The following NPSR1 variants were observed in gnomAD, a reference collection of about 807,000 sequenced individuals.
NPSR1 encodes the protein neuropeptide S receptor 1.
A neutral mutation model predicts 46.9 loss-of-function variants in NPSR1; 48 were observed. The ratio of observed to expected loss-of-function variants is 1.02; its 90% CI spans 0.81 to 1.30. The LOEUF (loss-of-function observed/expected upper bound fraction) is 1.30, where lower values mean the gene tolerates loss of function less well. Among genes scored for constraint, NPSR1 ranks in the 50% most tolerant of loss-of-function variants. NPSR1 has a pLI of 0.00. For missense variants in NPSR1, 450 were observed against 449.5 expected, an observed-to-expected ratio of 1.00 and a Z score of -0.01; for synonymous variants, 176 against 168.1, an observed-to-expected ratio of 1.05 and a Z score of -0.36.
chr7:34,824,613 G>A (rs867994670), intron 4 of NPSR1, among the ~76,000 whole-genome samples: 7 of 152,184 alleles, frequency 4.6e-5, no homozygotes, highest in South Asian at 2.1e-4. Context: ...AAACATCTTC[G>A]GAGACCTTGG....
At chr7:34,742,166 C>A (rs954694000) in intron 2 of NPSR1, among the ~76,000 whole-genome samples, 1 of 143,208 alleles carries the variant, frequency 7.0e-6, no homozygotes, top group African/African-American at 2.5e-5. Context: ...CTCTCAATCT[C>A]TCTCCTTTTT....
chr7:34,690,722 A>T (rs926993314), intron 2 of NPSR1, among the ~76,000 whole-genome samples: 1 of 152,212 alleles, frequency 6.6e-6, no homozygotes, highest in Non-Finnish European at 1.5e-5. Context: ...CCTTTGATAA[A>T]TACGGGATTA....
chr7:34,697,822 A>C (rs1229189427), intron 2 of NPSR1, among the ~76,000 whole-genome samples: 1 of 152,066 alleles, frequency 6.6e-6, no homozygotes, highest in Non-Finnish European at 1.5e-5. Flanking sequence ...AAATATTAGA[A>C]TTATTAGAAC....
chr7:34,780,667 A>C (rs1787191051), intron 3 of NPSR1, among the ~76,000 whole-genome samples: 1 of 152,190 alleles, frequency 6.6e-6, no homozygotes, highest in African/African-American at 2.4e-5. Flanking sequence ...CAACTCTGTA[A>C]CAGCCTTAAA....
At chr7:34,710,424 T>C (rs1783218039) in intron 2 of NPSR1, among the ~76,000 whole-genome samples, 1 of 152,230 alleles carries the variant, frequency 6.6e-6, no homozygotes, top group South Asian at 2.1e-4. Context: ...TTGTACTTCC[T>C]ATATTCCTGT....
chr7:34,811,842 C>A lies in NPSR1; in HGVS notation c.457C>A (p.Pro153Thr), dbSNP rs767254511. ...AGACAGATACCATGCCATCGTCTAC[C>A]CCATGAAGTTCCTTCAAGGAGGTGA... ...SIDRYHAIVY[P>T]MKFLQGEKQA... is the part of the protein sequence containing the mutation. The change falls in exon 4 of 9, where the codon CCC becomes ACC. Residue 153 changes from proline to threonine, a missense_variant. Coordinates refer to ENST00000360581, the MANE Select transcript of NPSR1 (RefSeq NM_207172.2). The A allele has an allele frequency of 6.2e-7, 1 of 1,613,414 alleles. No homozygotes were observed. Among genetic ancestry groups the A allele is most frequent in the Non-Finnish European group, 8.5e-7 (1 of 1,179,620 alleles).
chr7:34,719,212 G>A (rs1196047687), intron 2 of NPSR1: 1 of 152,378 alleles, frequency 6.6e-6, no homozygotes, highest in Non-Finnish European at 1.5e-5. Context: ...ATAGAATGTG[G>A]AAAAATAGAA....
rs141491583 is a variant in NPSR1 at position 34,723,129 on chromosome 7, A to G, written c.280+38445A>G. 1.2e-3 allele frequency among the ~76,000 whole-genome samples: 186 copies of G among 152,300 alleles called. 1 individual carries two copies. The highest frequency in any genetic ancestry group is 5.4e-3 in the East Asian group (28 of 5,178). ...TCCTGGCTGCAGCAATCCCAAGATA[A>G]TGCTGCTCAGTTCTAGGCTGCTTGG... is the stretch of plus-strand genomic sequence containing the variant. On this transcript the variant is annotated intron_variant, in intron 2 of 8. Transcript: ENST00000360581.
At chr7:34,687,908 C>T (rs1213737966) in intron 2 of NPSR1, among the ~76,000 whole-genome samples, 1 of 152,162 alleles carries the variant, frequency 6.6e-6, no homozygotes. Context: ...TTATTTGACA[C>T]CACTATCCCC....
intron 8 of NPSR1, among the ~76,000 whole-genome samples, chr7:34,876,979 C>G (rs976609965): frequency 6.6e-6 from 1 of 152,134 alleles, no homozygotes; most frequent in Non-Finnish European, 1.5e-5. Flanking sequence ...CATGGCAGAG[C>G]CTGAGTCCCC....
intron 4 of NPSR1, among the ~76,000 whole-genome samples, chr7:34,822,630 T>G (rs1448727566): frequency 6.6e-6 from 1 of 152,164 alleles, no homozygotes; most frequent in East Asian, 1.9e-4. Context: ...GAATAACACA[T>G]ATAAATCATA....
At chr7:34,760,002 C>A (rs1244644639) in intron 2 of NPSR1, among the ~76,000 whole-genome samples, 1 of 152,182 alleles carries the variant, frequency 6.6e-6, no homozygotes, top group South Asian at 2.1e-4. Flanking sequence ...TTCACCTTAT[C>A]CGCCATCAGT....
chr7:34,844,860 A>G (rs764821689), intron 6 of NPSR1, 36 bp from the exon 7 acceptor site: 2 of 1,268,398 alleles, frequency 1.6e-6, no homozygotes, highest in Admixed American at 3.4e-5. Context: ...CACATCTTGA[A>G]CACTTCATCT....
chr7:34,689,311 A>G (rs922360283), intron 2 of NPSR1, among the ~76,000 whole-genome samples: 1 of 152,180 alleles, frequency 6.6e-6, no homozygotes, highest in African/African-American at 2.4e-5. Flanking sequence ...GCACAATACA[A>G]TAAGAAATCT....
intron 2 of NPSR1, among the ~76,000 whole-genome samples, chr7:34,766,017 T>C (rs1006062654): frequency 2.6e-5 from 4 of 152,060 alleles, no homozygotes; most frequent in African/African-American, 9.7e-5. Context: ...AGCCTGCACA[T>C]GTACCCCCTG....
chr7:34,762,478 TAAAC>T (rs1202346230), intron 2 of NPSR1, among the ~76,000 whole-genome samples: 3 of 152,222 alleles, frequency 2.0e-5, no homozygotes, highest in African/African-American at 7.2e-5. Context: ...GTTTTATCAT[TAAAC>T]AAAGTTTCAC....
At chr7:34,839,805 A>AAG (rs1298426538) in intron 6 of NPSR1, among the ~76,000 whole-genome samples, 1 of 151,958 alleles carries the variant, frequency 6.6e-6, no homozygotes, top group East Asian at 1.9e-4. Context: ...GGGGCAGGGG[A>AAG]AGAGAGAGAG....
intron 8 of NPSR1, among the ~76,000 whole-genome samples, chr7:34,857,452 T>C (rs181482781): frequency 3.8e-4 from 58 of 151,890 alleles, no homozygotes; most frequent in Non-Finnish European, 7.4e-4. Context: ...CAGGGAAAGA[T>C]GCCCACATAT....
intron 2 of NPSR1, among the ~76,000 whole-genome samples, chr7:34,744,050 TG>T (rs1785086781): frequency 6.6e-6 from 1 of 152,216 alleles, no homozygotes; most frequent in South Asian, 2.1e-4. Flanking sequence ...ATTATTATTA[TG>T]TATTCCATCT....
Sources: allele counts gnomAD v4.1 joint callset (sites outside exome capture counted in the v4.1 genomes callset), GRCh38; gene constraint gnomAD v4.1.1; transcripts MANE v1.5; gene names NCBI Gene and HGNC (gene_info 2026-07-23, HGNC 2026-07-21).